KCND2: variants seen among roughly 807,000 people sequenced by gnomAD.
KCND2 encodes potassium voltage-gated channel subfamily D member 2.
In KCND2, 16 loss-of-function variants were observed where a neutral mutation model predicts 54.4. The observed-to-expected ratio is 0.29, with a 90% CI of 0.20 to 0.45. The LOEUF (loss-of-function observed/expected upper bound fraction) is 0.45. KCND2 is among the 20% of genes least tolerant of loss of function. The probability of loss-of-function intolerance (pLI) is 1.00; values close to 1 mark genes in which losing one functional copy is unlikely to be tolerated. For synonymous variants in KCND2, 317 were observed against 310.7 expected, an observed-to-expected ratio of 1.02 and a Z score of -0.21; for missense variants, 486 against 824.2, an observed-to-expected ratio of 0.59 and a Z score of 5.02.
chr7:120,432,735 CTA>C (rs1434987758), intron 1 of KCND2, among the ~76,000 whole-genome samples: 1 of 152,130 alleles, frequency 6.6e-6, no homozygotes. Flanking sequence ...ACCTCCACCT[CTA>C]TGGATATAAT....
At chr7:120,373,811 T>A (rs1214904772) in intron 1 of KCND2, among the ~76,000 whole-genome samples, 1 of 151,828 alleles carries the variant, frequency 6.6e-6, no homozygotes, top group Non-Finnish European at 1.5e-5. Flanking sequence ...CTGACAGATT[T>A]TTCCTACTCA....
At chr7:120,589,729 T>C (rs1792646540) in intron 1 of KCND2, among the ~76,000 whole-genome samples, 1 of 152,224 alleles carries the variant, frequency 6.6e-6, no homozygotes, top group Non-Finnish European at 1.5e-5. Flanking sequence ...ATCTTCTTTC[T>C]ATATGAATTC....
intron 1 of KCND2, among the ~76,000 whole-genome samples, chr7:120,449,584 C>G (rs1182705708): frequency 6.6e-6 from 1 of 152,092 alleles, no homozygotes; most frequent in Non-Finnish European, 1.5e-5. Flanking sequence ...TCATTTAAAG[C>G]TAAGAGTTTA....
At chr7:120,647,428 A>G (rs1222749125) in intron 1 of KCND2, among the ~76,000 whole-genome samples, 3 of 152,094 alleles carry the variant, frequency 2.0e-5, no homozygotes, top group Non-Finnish European at 4.4e-5. Flanking sequence ...TCTTTATTTT[A>G]TGGCTGATAA....
chr7:120,455,793 T>C (rs929730463), intron 1 of KCND2, among the ~76,000 whole-genome samples: 1 of 152,122 alleles, frequency 6.6e-6, no homozygotes, highest in African/African-American at 2.4e-5. Flanking sequence ...TGAATACTTA[T>C]GGATACATAT....
At chr7:120,330,909 T>C (rs1486542086) in intron 1 of KCND2, among the ~76,000 whole-genome samples, 1 of 152,100 alleles carries the variant, frequency 6.6e-6, no homozygotes, top group Non-Finnish European at 1.5e-5. Context: ...ATGTTGTTAG[T>C]TATGTAAGAT....
intron 1 of KCND2, among the ~76,000 whole-genome samples, chr7:120,460,805 A>G (rs1436271050): frequency 6.6e-6 from 1 of 152,138 alleles, no homozygotes; most frequent in Non-Finnish European, 1.5e-5. Flanking sequence ...CTATCTAAAC[A>G]AAAAGAAACG....
intron 1 of KCND2, among the ~76,000 whole-genome samples, chr7:120,648,639 G>T (rs924895378): frequency 6.6e-5 from 10 of 152,144 alleles, no homozygotes; most frequent in African/African-American, 2.4e-4. Flanking sequence ...GCTTTGCATT[G>T]CCCATACATA....
intron 1 of KCND2, among the ~76,000 whole-genome samples, chr7:120,662,625 TG>T (rs1423004636): frequency 1.1e-4 from 17 of 152,316 alleles, no homozygotes; most frequent in African/African-American, 4.1e-4. Flanking sequence ...ATTTATTCTT[TG>T]TTTTTTTGGT....
At chr7:120,380,999 G>A (rs773876769) in intron 1 of KCND2, among the ~76,000 whole-genome samples, 1 of 152,044 alleles carries the variant, frequency 6.6e-6, no homozygotes, top group Non-Finnish European at 1.5e-5. Context: ...TTTACAGGCT[G>A]GGGTTGGTGG....
intron 1 of KCND2, among the ~76,000 whole-genome samples, chr7:120,407,772 C>T (rs936826897): frequency 6.6e-6 from 1 of 151,036 alleles, no homozygotes; most frequent in African/African-American, 2.4e-5. Flanking sequence ...ATTATAAAAA[C>T]ATTAACATAT....
intron 1 of KCND2, among the ~76,000 whole-genome samples, chr7:120,578,780 A>C (rs10245675): frequency 0.11 from 17,351 of 151,978 alleles, 1,573 homozygotes; most frequent in African/African-American, 0.26. Flanking sequence ...CAGGAGAATC[A>C]CTTGAATCCA....
intron 1 of KCND2, among the ~76,000 whole-genome samples, chr7:120,370,870 G>T (rs1442569591): frequency 2.6e-5 from 4 of 152,002 alleles, no homozygotes; most frequent in Non-Finnish European, 4.4e-5. Context: ...ATTTTCTTTT[G>T]CTTCTTTACA....
intron 1 of KCND2, among the ~76,000 whole-genome samples, chr7:120,504,706 G>A (rs1028355453): frequency 6.6e-6 from 1 of 151,696 alleles, no homozygotes; most frequent in African/African-American, 2.4e-5. Context: ...TTAGAGGGTG[G>A]CTCTATAAAT....
intron 1 of KCND2, among the ~76,000 whole-genome samples, chr7:120,322,498 C>A (rs73431914): frequency 0.021 from 3,242 of 152,188 alleles, 129 homozygotes; most frequent in African/African-American, 0.074. Flanking sequence ...TTAAGGAATA[C>A]AGTTCATAAA....
chr7:120,480,091 A>G (rs1471995662), intron 1 of KCND2, among the ~76,000 whole-genome samples: 1 of 151,852 alleles, frequency 6.6e-6, no homozygotes, highest in African/African-American at 2.4e-5. Flanking sequence ...ATATATTATT[A>G]TTTTCAACAG....
chr7:120,320,682 A>C (rs1563008266), intron 1 of KCND2, among the ~76,000 whole-genome samples: 2 of 152,132 alleles, frequency 1.3e-5, no homozygotes, highest in African/African-American at 2.4e-5. Flanking sequence ...AAAGGAAGAA[A>C]ATGAGAGTGA....
At chr7:120,511,928 C>T (rs965176659) in intron 1 of KCND2, among the ~76,000 whole-genome samples, 1 of 152,130 alleles carries the variant, frequency 6.6e-6, no homozygotes, top group Non-Finnish European at 1.5e-5. Context: ...CTTCCCAAAA[C>T]TGGCACAAAT....
rs1053078452 is a variant in KCND2, at chr7:120,324,074, T to C, written c.1115+48327T>C. Among the ~76,000 whole-genome samples the C allele has an allele frequency of 5.4e-4, 82 of 151,176 alleles. 1 individual carries two copies. Among genetic ancestry groups the C allele is most frequent in the Non-Finnish European group, 5.9e-5 (4 of 67,986 alleles). ...GTGATGGTGAGCATTTTTTCCTGTG[T>C]TTTTTGGGTGCATAAATGTCTTCTT... On this transcript the variant is annotated intron_variant, in intron 1 of 5. Transcript: ENST00000331113.
Sources: allele counts gnomAD v4.1 joint callset (sites outside exome capture counted in the v4.1 genomes callset), GRCh38; gene constraint gnomAD v4.1.1; transcripts MANE v1.5; gene names NCBI Gene and HGNC (gene_info 2026-07-23, HGNC 2026-07-21).